WDR35: variants seen among roughly 807,000 people sequenced by gnomAD.
The protein encoded by WDR35 is WD repeat-containing protein 35.
WDR35 carries 118 observed loss-of-function variants against 158.3 expected under a neutral mutation model. The ratio of observed to expected loss-of-function variants is 0.75; its 90% CI spans 0.64 to 0.87. The LOEUF is 0.87. WDR35 is among the 40% of genes least tolerant of loss of function. The probability of loss-of-function intolerance (pLI) is 0.00; values close to 1 mark genes in which losing one functional copy is unlikely to be tolerated. For synonymous variants in WDR35, 448 were observed against 476.1 expected (o/e 0.94, Z 0.77); for missense variants, 1,263 against 1,405.8 (o/e 0.90, Z 1.62).
intron 6 of WDR35, 151 bp from the exon 7 acceptor site, chr2:19,974,784 G>T: frequency 1.6e-6 from 1 of 626,818 alleles, no homozygotes; most frequent in Non-Finnish European, 2.5e-6. Context: ...TGGTATACAG[G>T]CCATGGACAA....
rs560228088 is a variant in WDR35 at position 19,912,795 on chromosome 2, A to G, written c.*763T>C. ...AAGAAAAAATCACTCCCTCAACAAT[A>G]CTTGTGTAAATAAACGGTCCAACTT... On this transcript the variant is annotated 3_prime_UTR_variant, in exon 27 of 27. Coordinates refer to ENST00000281405, the MANE Select transcript of WDR35 (RefSeq NM_020779.4). 3.3e-4 allele frequency: 51 copies of G among 152,308 alleles called. No homozygotes were observed. The highest frequency in any genetic ancestry group is 1.2e-3 in the African/African-American group (51 of 41,576). 9.4% of individuals were successfully genotyped at this position (152,308 alleles called of 1,614,324 possible).
intron 12 of WDR35, among the ~76,000 whole-genome samples, chr2:19,953,049 C>T (rs754972623): frequency 4.6e-5 from 7 of 152,152 alleles, no homozygotes; most frequent in Non-Finnish European, 1.0e-4. Flanking sequence ...CCTAGCATTT[C>T]TGTCATGACT....
At position 19,945,889 on chromosome 2, in the gene WDR35, T is replaced by C. The variant is rs189976823; in HGVS notation, c.1742A>G (p.Glu581Gly). The C allele has an allele frequency of 6.2e-7, 1 of 1,614,016 alleles. No homozygotes were observed. Among genetic ancestry groups the C allele is most frequent in the East Asian group, 2.2e-5 (1 of 44,872 alleles). Residue 581 changes from glutamate to glycine, a missense_variant, in exon 16 of 27, where the codon GAA becomes GGA. Coordinates refer to ENST00000281405, the MANE Select transcript of WDR35 (RefSeq NM_020779.4). ...QQVVGELLKL[E>G]RRDVWDMKWA... The stretch of plus-strand genomic sequence containing the variant: ...CTTCATATCCCAGACATCTCTTCGT[T>C]CCAATTTTAACAACTCTCCAACTAC...
At chr2:19,958,152 T>G (rs959841241) in intron 11 of WDR35, among the ~76,000 whole-genome samples, 4 of 152,216 alleles carry the variant, frequency 2.6e-5, no homozygotes, top group African/African-American at 7.2e-5. Flanking sequence ...ATGGAAAACC[T>G]AGTGCACGTG....
chr2:19,920,821 TTA>T (rs1175914892), intron 25 of WDR35, among the ~76,000 whole-genome samples: 3 of 152,152 alleles, frequency 2.0e-5, no homozygotes, highest in Non-Finnish European at 4.4e-5. Context: ...GATTGTATAT[TTA>T]GAAAACTCCA....
intron 4 of WDR35, among the ~76,000 whole-genome samples, chr2:19,979,560 T>C (rs932735339): frequency 6.6e-6 from 1 of 152,072 alleles, no homozygotes; most frequent in African/African-American, 2.4e-5. Flanking sequence ...AGCAAAAAAA[T>C]AGGCTATTTT....
In WDR35 at chr2:19,910,917, G is replaced by A. The variant is rs1310881405; in HGVS notation, c.*2641C>T. 1.3e-5 allele frequency: 2 copies of A among 152,138 alleles called. No homozygotes were observed. Among genetic ancestry groups the A allele is most frequent in the Admixed American group, 6.6e-5 (1 of 15,262 alleles). The allele number at this position is 152,138 out of a possible 1,614,324, so 9.4% of individuals were successfully genotyped here. On this transcript the variant is annotated 3_prime_UTR_variant, in exon 27 of 27. Coordinates refer to ENST00000281405, the MANE Select transcript of WDR35 (RefSeq NM_020779.4). ...AAGCTTTTACAAAAGTAAAAAAGAT[G>A]TGCCTGTCTATATACATATGCGCGC...
chr2:19,938,271 CG>C lies in WDR35; in HGVS notation c.2056del (p.Arg686AspfsTer35). 1 of 1,613,918 alleles carries C rather than the reference CG, an allele frequency of 6.2e-7. No homozygotes were observed. The highest frequency in any genetic ancestry group is 1.3e-5 in the African/African-American group (1 of 74,998). On this transcript the variant is annotated frameshift_variant, in exon 18 of 27. Transcript: ENST00000281405. LOFTEE classifies it high-confidence loss of function. ...GTTTGCTTTTTTTAAATACCAAAGT[CG>C]GGGGTGTGGATTGTCCTCTATGAAC... ...SQFIEDNPHPRLWRLLAEAAL... is the reference protein window; with the variant it reads ...SQFIEDNPHPXLWRLLAEAAL...
chr2:19,987,073 A>G (rs1672587352), intron 2 of WDR35, among the ~76,000 whole-genome samples: 1 of 152,244 alleles, frequency 6.6e-6, no homozygotes, highest in African/African-American at 2.4e-5. Context: ...AATACTAAAT[A>G]GACATTAACA....
intron 15 of WDR35, 134 bp from the exon 16 acceptor site, chr2:19,946,130 A>C (rs1671044998): frequency 2.1e-6 from 2 of 963,846 alleles, no homozygotes; most frequent in South Asian, 3.3e-5. Context: ...AATGGCTTAA[A>C]ATTTTGTTAA....
At chr2:19,935,390 G>A (rs765285213) in intron 21 of WDR35, 81 bp downstream of exon 21, 13 of 1,456,624 alleles carry the variant, frequency 8.9e-6, no homozygotes, top group Non-Finnish European at 8.5e-6. Context: ...TTTCTTTATT[G>A]TGGGAGATAT....
intron 25 of WDR35, among the ~76,000 whole-genome samples, chr2:19,923,064 A>G (rs565815000): frequency 6.6e-6 from 1 of 152,348 alleles, no homozygotes; most frequent in African/African-American, 2.4e-5. Context: ...TTAGTTAATC[A>G]AATATCTATA....
At chr2:19,980,902 C>T (rs1032859470) in intron 3 of WDR35, 119 bp from the exon 4 acceptor site, 10 of 836,588 alleles carry the variant, frequency 1.2e-5, no homozygotes, top group Admixed American at 4.6e-5. Flanking sequence ...GCTAACTAGT[C>T]TTTAATATTC....
intron 10 of WDR35, among the ~76,000 whole-genome samples, chr2:19,963,721 CATTTATTT>C (rs35999226): frequency 1.0e-4 from 15 of 149,568 alleles, no homozygotes; most frequent in East Asian, 1.0e-3. Context: ...GTATTCCACC[CATTTATTT>C]ATTTATTTAT....
At chr2:19,949,685 C>T (rs534325704) in intron 13 of WDR35, among the ~76,000 whole-genome samples, 32 of 152,198 alleles carry the variant, frequency 2.1e-4, no homozygotes, top group Non-Finnish European at 3.7e-4. Flanking sequence ...TTCCATTGGG[C>T]AGTGCTGGAT....
intron 6 of WDR35, among the ~76,000 whole-genome samples, chr2:19,975,299 A>T (rs1672167329): frequency 6.6e-6 from 1 of 152,200 alleles, no homozygotes; most frequent in African/African-American, 2.4e-5. Flanking sequence ...ACCAAAAAAA[A>T]TTGGAACTAA....
chr2:19,967,286 C>T (rs1671887237), intron 9 of WDR35, among the ~76,000 whole-genome samples: 1 of 152,118 alleles, frequency 6.6e-6, no homozygotes. Context: ...CAAAAATAGT[C>T]ACTTTGCCTT....
At chr2:19,921,005 T>G (rs1207959419) in intron 25 of WDR35, among the ~76,000 whole-genome samples, 2 of 152,216 alleles carry the variant, frequency 1.3e-5, no homozygotes, top group East Asian at 3.9e-4. Context: ...ATAAAATACC[T>G]AGGAATACAA....
chr2:19,927,042 G>C (rs985393425), intron 25 of WDR35, among the ~76,000 whole-genome samples: 4 of 152,154 alleles, frequency 2.6e-5, no homozygotes, highest in Non-Finnish European at 5.9e-5. Context: ...AAAACCTGAG[G>C]AAAGTGGGAC....
Sources: allele counts gnomAD v4.1 joint callset (sites outside exome capture counted in the v4.1 genomes callset), GRCh38; gene constraint gnomAD v4.1.1; transcripts MANE v1.5; gene names NCBI Gene and HGNC (gene_info 2026-07-23, HGNC 2026-07-21).